NCALD: variants seen among roughly 807,000 people sequenced by gnomAD.
NCALD encodes neurocalcin delta.
A neutral mutation model predicts 18.6 loss-of-function variants in NCALD; 10 were observed. The ratio of observed to expected loss-of-function variants is 0.54; its 90% CI spans 0.33 to 0.91. The LOEUF is 0.91. Among genes scored for constraint, NCALD ranks in the 40% least tolerant of loss-of-function variants. The pLI is 0.03. For synonymous variants in NCALD, 88 were observed against 87.4 expected, an observed-to-expected ratio of 1.01 and a Z score of -0.04; for missense variants, 184 against 247.6, an observed-to-expected ratio of 0.74 and a Z score of 1.72.
At chr8:101,757,152 C>A (rs1318699659) in intron 1 of NCALD, among the ~76,000 whole-genome samples, 1 of 152,140 alleles carries the variant, frequency 6.6e-6, no homozygotes, top group East Asian at 1.9e-4. Context: ...TACTGTTTAC[C>A]CACCATGGCC....
intron 3 of NCALD, among the ~76,000 whole-genome samples, chr8:101,898,720 A>G (rs73696551): frequency 0.077 from 11,754 of 152,036 alleles, 988 homozygotes; most frequent in African/African-American, 0.21. Context: ...ACTGTTTTCA[A>G]GTTCTCTGTT....
chr8:101,941,771 A>G (rs1282783590), intron 2 of NCALD, among the ~76,000 whole-genome samples: 2 of 152,204 alleles, frequency 1.3e-5, no homozygotes, highest in Non-Finnish European at 2.9e-5. Flanking sequence ...TCTTAACTAC[A>G]GCAATTTCGA....
chr8:102,061,310 CT>C (rs1823842053), intron 1 of NCALD, among the ~76,000 whole-genome samples: 1 of 152,338 alleles, frequency 6.6e-6, no homozygotes, highest in Non-Finnish European at 1.5e-5. Context: ...CATCCAAGTA[CT>C]TCATGACTGT....
At chr8:101,946,809 C>CAAAAA (rs71268537) in intron 2 of NCALD, among the ~76,000 whole-genome samples, 5 of 65,664 alleles carry the variant, frequency 7.6e-5, no homozygotes, top group Admixed American at 1.8e-4. Context: ...CATCAATTAG[C>CAAAAA]AAAAAAAAAA....
intron 4 of NCALD, among the ~76,000 whole-genome samples, chr8:101,838,593 G>C (rs922278602): frequency 1.3e-5 from 2 of 152,184 alleles, no homozygotes; most frequent in African/African-American, 4.8e-5. Flanking sequence ...GAAGTTCACA[G>C]TAAATAATCT....
chr8:101,989,384 G>A (rs930950907), intron 2 of NCALD, among the ~76,000 whole-genome samples: 3 of 151,846 alleles, frequency 2.0e-5, no homozygotes, highest in Admixed American at 6.6e-5. Flanking sequence ...TCATCCTAAA[G>A]GAATAAAGAA....
intron 1 of NCALD, among the ~76,000 whole-genome samples, chr8:102,042,752 T>G (rs1823096298): frequency 7.3e-6 from 1 of 137,054 alleles, no homozygotes; most frequent in Non-Finnish European, 1.5e-5. Context: ...AAGCTAGAGA[T>G]GAAAACACCC....
At chr8:102,011,740 A>G (rs1194308416) in intron 2 of NCALD, among the ~76,000 whole-genome samples, 1 of 152,204 alleles carries the variant, frequency 6.6e-6, no homozygotes, top group African/African-American at 2.4e-5. Context: ...AGCATGTAAA[A>G]ATTATTCTGT....
Position 102,082,191 on chromosome 8 carries a change from G to C in NCALD, c.-210+42046C>G, listed in dbSNP as rs993663675. 3.4e-5 allele frequency among the ~76,000 whole-genome samples: 5 copies of C among 145,792 alleles called. No individual in the cohort carries two copies. In the South Asian group the frequency reaches 1.1e-3, roughly 33 times the overall value. The stretch of plus-strand genomic sequence containing the variant: ...TGGTGCTTATTATTCTCAAATAATA[G>C]CCCTTTCAATGGGCAGTTATTTGAG... On this transcript the variant is annotated intron_variant, in intron 1 of 6. Transcript: ENST00000311028.
Position 102,049,604 on chromosome 8 carries a change from A to G in NCALD, c.-209-29315T>C, listed in dbSNP as rs1015384941. 4.6e-5 allele frequency among the ~76,000 whole-genome samples: 7 copies of G among 152,288 alleles called. No individual in the cohort carries two copies. In the South Asian group the frequency reaches 1.5e-3, roughly 32 times the overall value. On this transcript the variant is annotated intron_variant, in intron 1 of 6. Coordinates refer to the NCALD transcript ENST00000311028. The stretch of plus-strand genomic sequence containing the variant: ...ATGGTTTGAGTATATTTAGTTTTGT[A>G]AGAAACAAGCATCCTGTCTTCCAAA...
chr8:101,972,882 G>T (rs1274360657), intron 2 of NCALD, among the ~76,000 whole-genome samples: 7 of 152,146 alleles, frequency 4.6e-5, no homozygotes, highest in African/African-American at 1.7e-4. Flanking sequence ...CTGGACTGAG[G>T]ATCGGCTCAC....
intron 4 of NCALD, among the ~76,000 whole-genome samples, chr8:101,806,613 G>T (rs949964046): frequency 6.6e-5 from 10 of 151,976 alleles, no homozygotes; most frequent in Admixed American, 1.3e-4. Flanking sequence ...TAAATGGGTG[G>T]AAAAAAGAAT....
At chr8:101,712,851 C>T (rs186795229) in intron 2 of NCALD, among the ~76,000 whole-genome samples, 3,884 of 152,018 alleles carry the variant, frequency 0.026, 128 homozygotes, top group African/African-American at 0.077. Context: ...CACTCCACTG[C>T]CAATATTAGA....
At chr8:101,871,064 G>A (rs1442109353) in intron 4 of NCALD, among the ~76,000 whole-genome samples, 1 of 152,120 alleles carries the variant, frequency 6.6e-6, no homozygotes, top group Non-Finnish European at 1.5e-5. Flanking sequence ...AACAGTGCAT[G>A]AAACTGCAAT....
At chr8:101,769,003 G>A (rs1460914840) in intron 1 of NCALD, among the ~76,000 whole-genome samples, 2 of 152,142 alleles carry the variant, frequency 1.3e-5, no homozygotes, top group Admixed American at 6.5e-5. Flanking sequence ...AGGGAGGCAG[G>A]AGCTTTGGAG....
intron 1 of NCALD, among the ~76,000 whole-genome samples, chr8:102,116,978 G>A: frequency 6.6e-6 from 1 of 152,214 alleles, no homozygotes; most frequent in East Asian, 1.9e-4. Flanking sequence ...GACACACAGA[G>A]AAGAGCAGGA....
chr8:101,845,944 T>C (rs1339397932), intron 4 of NCALD, among the ~76,000 whole-genome samples: 2 of 152,224 alleles, frequency 1.3e-5, no homozygotes, highest in Non-Finnish European at 2.9e-5. Flanking sequence ...TATTTGTCTT[T>C]CTGTGCCTGG....
intron 4 of NCALD, among the ~76,000 whole-genome samples, chr8:101,810,190 C>T (rs964430664): frequency 6.6e-6 from 1 of 152,192 alleles, no homozygotes; most frequent in African/African-American, 2.4e-5. Flanking sequence ...AAGTCAGGCA[C>T]ACTCTGAATT....
intron 1 of NCALD, among the ~76,000 whole-genome samples, chr8:102,085,969 T>C (rs1215322406): frequency 1.3e-5 from 2 of 152,236 alleles, no homozygotes; most frequent in African/African-American, 2.4e-5. Flanking sequence ...TTTGTCCTTA[T>C]GAATTTATGC....
Sources: gnomAD v4.1 joint callset for allele counts (sites outside exome capture counted in the v4.1 genomes callset) on GRCh38, gnomAD v4.1.1 for gene constraint, MANE v1.5 for transcripts, NCBI Gene and HGNC (gene_info 2026-07-23, HGNC 2026-07-21) for gene names.